The following BCAT1 variants were observed in gnomAD, a reference collection of about 807,000 sequenced individuals.
The protein encoded by BCAT1 is branched-chain-amino-acid aminotransferase, cytosolic.
Under a neutral mutation model 52.4 loss-of-function variants are expected in BCAT1, and 48 were observed. The observed-to-expected ratio is 0.92, with a 90% confidence interval of 0.73 to 1.16. BCAT1 has a LOEUF of 1.16. BCAT1 is among the 50% of genes most tolerant of loss of function. The probability of loss-of-function intolerance (pLI) is 0.00; values close to 1 mark genes in which losing one functional copy is unlikely to be tolerated. For synonymous variants in BCAT1, 167 were observed against 161.3 expected, an observed-to-expected ratio of 1.04 and a Z score of -0.27; for missense variants, 451 against 457.1, an observed-to-expected ratio of 0.99 and a Z score of 0.12.
intron 5 of BCAT1, among the ~76,000 whole-genome samples, chr12:24,851,843 A>G (rs1941523203): frequency 6.6e-6 from 1 of 152,142 alleles, no homozygotes; most frequent in Admixed American, 6.6e-5. Flanking sequence ...TTATCTCTGC[A>G]CTTTTATTTA....
chr12:24,849,704 G>A (rs1323726942), intron 6 of BCAT1, 82 bp downstream of exon 6: 5 of 1,381,428 alleles, frequency 3.6e-6, no homozygotes, highest in Non-Finnish European at 3.0e-6. Flanking sequence ...AGTATTATAT[G>A]TGTTCATACT....
chr12:24,946,741 C>G (rs1943937858), intron 1 of BCAT1, among the ~76,000 whole-genome samples: 1 of 152,126 alleles, frequency 6.6e-6, no homozygotes, highest in Non-Finnish European at 1.5e-5. Context: ...CAGGGAGTTG[C>G]ACAGCTACTG....
chr12:24,819,057 T>C (rs1939999565), intron 10 of BCAT1, among the ~76,000 whole-genome samples: 1 of 152,230 alleles, frequency 6.6e-6, no homozygotes, highest in Admixed American at 6.5e-5. Context: ...GAAAACTGAA[T>C]ATTAGGGAGA....
At chr12:24,931,855 A>G (rs1452892843) in intron 1 of BCAT1, among the ~76,000 whole-genome samples, 1 of 152,234 alleles carries the variant, frequency 6.6e-6, no homozygotes, top group African/African-American at 2.4e-5. Context: ...CGGGGATGTA[A>G]CACAGAGAGA....
At chr12:24,851,906 C>T (rs1565463134) in intron 5 of BCAT1, among the ~76,000 whole-genome samples, 1 of 152,062 alleles carries the variant, frequency 6.6e-6, no homozygotes, top group Non-Finnish European at 1.5e-5. Context: ...TGAAGCAGAA[C>T]ATGTTAGATT....
At chr12:24,858,365 T>A (rs1434840741) in intron 5 of BCAT1, among the ~76,000 whole-genome samples, 1 of 152,232 alleles carries the variant, frequency 6.6e-6, no homozygotes, top group Non-Finnish European at 1.5e-5. Context: ...TTTAATAATC[T>A]TTGGGAAATA....
intron 3 of BCAT1, among the ~76,000 whole-genome samples, chr12:24,893,370 T>C (rs1254331930): frequency 6.6e-6 from 1 of 152,142 alleles, no homozygotes; most frequent in Non-Finnish European, 1.5e-5. Context: ...ATTTTATAGA[T>C]AAAGAAATTA....
intron 1 of BCAT1, among the ~76,000 whole-genome samples, chr12:24,936,197 A>G (rs1943750741): frequency 6.6e-6 from 1 of 152,206 alleles, no homozygotes; most frequent in South Asian, 2.1e-4. Flanking sequence ...CTGCTGTTGT[A>G]ACAGATGACT....
intron 6 of BCAT1, among the ~76,000 whole-genome samples, chr12:24,846,372 A>G (rs1941345385): frequency 6.6e-6 from 1 of 152,198 alleles, no homozygotes; most frequent in Admixed American, 6.5e-5. Flanking sequence ...CCATGGTAAT[A>G]TAGTTGGGTT....
At chr12:24,829,681 T>A (rs1356938458) in intron 10 of BCAT1, 142 bp downstream of exon 10, 1 of 711,496 alleles carries the variant, frequency 1.4e-6, no homozygotes, top group African/African-American at 1.8e-5. Context: ...ATATCTTCCT[T>A]AAATTTAACT....
chr12:24,871,578 T>C (rs183327202), intron 5 of BCAT1, among the ~76,000 whole-genome samples: 4 of 152,290 alleles, frequency 2.6e-5, no homozygotes, highest in Admixed American at 2.6e-4. Context: ...CTGAGAATTA[T>C]TTCTAGTGGA....
intron 3 of BCAT1, among the ~76,000 whole-genome samples, chr12:24,891,425 G>A (rs1270419945): frequency 3.3e-5 from 5 of 152,224 alleles, no homozygotes; most frequent in Middle Eastern, 3.4e-3. Flanking sequence ...GACAGCAACC[G>A]TGTGACGGAC....
chr12:24,906,310 T>C (rs906519257), intron 1 of BCAT1, among the ~76,000 whole-genome samples: 4 of 152,064 alleles, frequency 2.6e-5, no homozygotes, highest in African/African-American at 9.7e-5. Flanking sequence ...AAAAAAGGAA[T>C]GTTGAAAAAG....
At chr12:24,864,669 C>T (rs1051878546) in intron 5 of BCAT1, among the ~76,000 whole-genome samples, 2 of 152,314 alleles carry the variant, frequency 1.3e-5, no homozygotes, top group East Asian at 3.9e-4. Flanking sequence ...AAGACACACA[C>T]TCCCTTTAGC....
At chr12:24,883,554 T>C (rs1359391424) in intron 3 of BCAT1, among the ~76,000 whole-genome samples, 6 of 152,122 alleles carry the variant, frequency 3.9e-5, no homozygotes, top group Non-Finnish European at 8.8e-5. Flanking sequence ...TGAGCTATGA[T>C]TGCACTGCTG....
At chr12:24,932,331 C>T (rs1045285009) in intron 1 of BCAT1, among the ~76,000 whole-genome samples, 2 of 152,184 alleles carry the variant, frequency 1.3e-5, no homozygotes, top group Non-Finnish European at 2.9e-5. Flanking sequence ...TCAGATTATG[C>T]TCTGGGAAGT....
chr12:24,928,701 A>C (rs956328859), intron 1 of BCAT1, among the ~76,000 whole-genome samples: 2 of 131,518 alleles, frequency 1.5e-5, no homozygotes, highest in Non-Finnish European at 3.2e-5. Context: ...TCAGTGTGAA[A>C]TGTTTGTTGT....
chr12:24,878,415 T>C (rs1942404667), intron 5 of BCAT1, 115 bp downstream of exon 5: 2 of 902,552 alleles, frequency 2.2e-6, no homozygotes, highest in Non-Finnish European at 3.1e-6. Context: ...AAGGAAGAAG[T>C]CATTAATGAT....
At chr12:24,849,419 C>T (rs1044885499) in intron 6 of BCAT1, among the ~76,000 whole-genome samples, 11 of 152,186 alleles carry the variant, frequency 7.2e-5, no homozygotes, top group African/African-American at 2.2e-4. Context: ...TAATGCCAGC[C>T]GTCAGCCTGC....
Sources: gnomAD v4.1 joint callset for allele counts (sites outside exome capture counted in the v4.1 genomes callset) on GRCh38, gnomAD v4.1.1 for gene constraint, MANE v1.5 for transcripts, NCBI Gene and HGNC (gene_info 2026-07-23, HGNC 2026-07-21) for gene names.